The following CD226 variants were observed in gnomAD, a reference collection of about 807,000 sequenced individuals.
CD226 encodes the protein CD226 molecule.
CD226 carries 24 observed loss-of-function variants against 34.9 expected under a neutral mutation model. The observed-to-expected ratio is 0.69, with a 90% CI of 0.50 to 0.97. The LOEUF is 0.97. Ranked by LOEUF, CD226 falls within the 50% of genes least tolerant of loss-of-function variation. The pLI is 0.00. For synonymous variants in CD226, 148 were observed against 147.4 expected (o/e 1.00, Z -0.03); for missense variants, 397 against 412.7 (o/e 0.96, Z 0.33).
intron 3 of CD226, among the ~76,000 whole-genome samples, chr18:69,882,909 C>T (rs1459568834): frequency 6.6e-6 from 1 of 152,154 alleles, no homozygotes; most frequent in Non-Finnish European, 1.5e-5. Context: ...CTCAAGCAGT[C>T]CTACTGAAAT....
intron 2 of CD226, among the ~76,000 whole-genome samples, chr18:69,921,382 C>G (rs749325447): frequency 5.9e-5 from 9 of 152,120 alleles, no homozygotes; most frequent in Non-Finnish European, 1.3e-4. Context: ...GGAAGCTTCG[C>G]CAGCTTTGGG....
In CD226 at chr18:69,925,566, C is replaced by G. The variant is rs984545986; in HGVS notation, c.382+21168G>C. Reference sequence around the variant, plus strand: ...GGGTATCCTTCTTAACACCTCTTCCCTTTCTCACTCATCCAATCAGTTGCT... The same window carrying G: ...GGGTATCCTTCTTAACACCTCTTCCGTTTCTCACTCATCCAATCAGTTGCT... On this transcript the variant is annotated intron_variant, in intron 2 of 5. Coordinates refer to ENST00000582621, the MANE Select transcript of CD226 (RefSeq NM_001303618.2). Among the ~76,000 whole-genome samples, 4 of 152,208 alleles carry G rather than the reference C, an allele frequency of 2.6e-5. No homozygotes were observed. In the South Asian group the frequency reaches 8.3e-4, roughly 32 times the overall value.
chr18:69,880,315 A>T (rs986268674), intron 3 of CD226, among the ~76,000 whole-genome samples: 1 of 124,956 alleles, frequency 8.0e-6, no homozygotes, highest in Non-Finnish European at 1.6e-5. Context: ...AGAAAGAAAG[A>T]AAGAAAAAGA....
chr18:69,940,056 T>C (rs12457863), intron 2 of CD226, among the ~76,000 whole-genome samples: 1,840 of 152,294 alleles, frequency 0.012, 32 homozygotes, highest in Admixed American at 0.051. Flanking sequence ...GTTTCCCCCA[T>C]CCTGTTCTCA....
upstream of CD226, among the ~76,000 whole-genome samples, chr18:69,959,827 A>G (rs995182854): frequency 6.6e-6 from 1 of 152,186 alleles, no homozygotes; most frequent in East Asian, 1.9e-4. Context: ...TGGCACAGCC[A>G]GGCATGAGAG....
chr18:69,919,135 GA>G (rs2055420670), intron 2 of CD226, among the ~76,000 whole-genome samples: 1 of 152,218 alleles, frequency 6.6e-6, no homozygotes, highest in Non-Finnish European at 1.5e-5. Flanking sequence ...ACTTTAAACA[GA>G]AAATGTTCGG....
At chr18:69,898,286 C>G (rs1011292505) in intron 2 of CD226, among the ~76,000 whole-genome samples, 7 of 152,138 alleles carry the variant, frequency 4.6e-5, no homozygotes, top group African/African-American at 1.2e-4. Flanking sequence ...AATGCGTGTC[C>G]TCAGTGCTCA....
chr18:69,887,038 T>A lies in CD226; in HGVS notation c.727+8663A>T, dbSNP rs1331576289. On this transcript the variant is annotated intron_variant, in intron 3 of 5. Transcript: ENST00000582621. ...AATAACCCATCTCATCTCTCTTTTT[T>A]AAAAAGAGCCAATAATTTAAAAATG... is the stretch of plus-strand genomic sequence containing the variant. Among the ~76,000 whole-genome samples, 3 of 152,312 alleles carry A rather than the reference T, an allele frequency of 2.0e-5. No individual in the cohort carries two copies. In the East Asian group the frequency reaches 5.8e-4, roughly 29 times the overall value.
At chr18:69,918,506 C>T (rs575802867) in intron 2 of CD226, among the ~76,000 whole-genome samples, 4 of 152,198 alleles carry the variant, frequency 2.6e-5, no homozygotes, top group East Asian at 3.9e-4. Flanking sequence ...TGCGGTGAGC[C>T]GAGATTGTGC....
chr18:69,952,776 A>C (rs913141083), upstream of CD226, among the ~76,000 whole-genome samples: 3 of 152,266 alleles, frequency 2.0e-5, no homozygotes, highest in Non-Finnish European at 4.4e-5. Context: ...ACTTTTGTGC[A>C]TCAAAGGACA....
intron 3 of CD226, among the ~76,000 whole-genome samples, chr18:69,881,352 T>A (rs1043656370): frequency 6.6e-6 from 1 of 152,222 alleles, no homozygotes; most frequent in African/African-American, 2.4e-5. Flanking sequence ...ATTCAACCTT[T>A]GTCCCACTTT....
chr18:69,943,201 C>T (rs2055747518), intron 2 of CD226, among the ~76,000 whole-genome samples: 1 of 152,214 alleles, frequency 6.6e-6, no homozygotes, highest in East Asian at 1.9e-4. Context: ...AGAGCAGGCA[C>T]CCAGTAAACA....
intron 4 of CD226, among the ~76,000 whole-genome samples, chr18:69,870,472 A>C (rs1043122642): frequency 4.6e-5 from 7 of 151,572 alleles, no homozygotes; most frequent in African/African-American, 1.7e-4. Flanking sequence ...ATGGGGTTTC[A>C]CCATGTTGGC....
intron 3 of CD226, among the ~76,000 whole-genome samples, chr18:69,879,086 A>C (rs900191675): frequency 6.6e-6 from 1 of 152,220 alleles, no homozygotes; most frequent in Non-Finnish European, 1.5e-5. Flanking sequence ...TGTGGGTCAC[A>C]GAGATCACAT....
chr18:69,948,776 T>A (rs2055821678), upstream of CD226, among the ~76,000 whole-genome samples: 1 of 152,198 alleles, frequency 6.6e-6, no homozygotes, highest in South Asian at 2.1e-4. Context: ...TCCTCCAAAT[T>A]GTACTGAGTT....
intron 2 of CD226, among the ~76,000 whole-genome samples, chr18:69,935,448 T>G (rs1396678974): frequency 6.6e-6 from 1 of 151,954 alleles, no homozygotes; most frequent in Non-Finnish European, 1.5e-5. Context: ...TGAGGAGGAG[T>G]CTCAACGTGT....
chr18:69,867,055 A>G (rs908164737), intron 5 of CD226, among the ~76,000 whole-genome samples: 2 of 152,160 alleles, frequency 1.3e-5, no homozygotes, highest in Non-Finnish European at 2.9e-5. Context: ...CGTTTTGGTA[A>G]TTTGTCACAG....
rs1788104 is a variant in CD226 at position 69,857,047 on chromosome 18, A to T, written c.*7267T>A. The T allele has an allele frequency of 0.97, 147,623 of 152,320 alleles. 71,723 individuals carry two copies. Among genetic ancestry groups the T allele is most frequent in the East Asian group, 1 (5,176 of 5,176 alleles). The allele number at this position is 152,320 out of a possible 1,614,324, so 9.4% of individuals were successfully genotyped here. The stretch of plus-strand genomic sequence containing the variant: ...AGCTGGGCATGGTGGTGGGCGCCTG[A>T]AGTCCCAGCTACTCGGGAGGCTGAG... On this transcript the variant is annotated 3_prime_UTR_variant, in exon 6 of 6. Transcript: ENST00000582621.
At chr18:69,881,676 T>C (rs1023007329) in intron 3 of CD226, among the ~76,000 whole-genome samples, 1 of 152,248 alleles carries the variant, frequency 6.6e-6, no homozygotes. Context: ...TCTATTTTTT[T>C]CATGTTGAGA....
Sources: allele counts gnomAD v4.1 joint callset (sites outside exome capture counted in the v4.1 genomes callset), GRCh38; gene constraint gnomAD v4.1.1; transcripts MANE v1.5; gene names NCBI Gene and HGNC (gene_info 2026-07-23, HGNC 2026-07-21).